Variants in ITGA6 observed in about 807,000 individuals in gnomAD.
ITGA6 encodes integrin subunit alpha 6.
Under a neutral mutation model 133.6 loss-of-function variants are expected in ITGA6, and 63 were observed. The observed-to-expected ratio is 0.47, with a 90% confidence interval of 0.38 to 0.58. The LOEUF (loss-of-function observed/expected upper bound fraction) is 0.58. Among genes scored for constraint, ITGA6 ranks in the 20% least tolerant of loss-of-function variants. The pLI, the probability that ITGA6 is intolerant of heterozygous loss-of-function variation, is 0.00. For synonymous variants in ITGA6, 434 were observed against 482.0 expected, an observed-to-expected ratio of 0.90 and a Z score of 1.30; for missense variants, 1,068 against 1,309.4, an observed-to-expected ratio of 0.82 and a Z score of 2.85.
Position 172,442,871 on chromosome 2 carries a change from G to C in ITGA6, c.182+14901G>C, listed in dbSNP as rs189231150. Among the ~76,000 whole-genome samples the C allele has an allele frequency of 5.5e-4, 83 of 151,982 alleles. No individual in the cohort carries two copies. In the East Asian group the frequency reaches 0.011, roughly 20 times the overall value. ...AAGGTTTGCTTCATGACTTGTGGGC[G>C]CTGATTTTTTTTTTTTAACCTCACT... On this transcript the variant is annotated intron_variant, in intron 1 of 25. Transcript: ENST00000684293.
intron 1 of ITGA6, among the ~76,000 whole-genome samples, chr2:172,457,911 G>A (rs1685278161): frequency 6.6e-6 from 1 of 152,194 alleles, no homozygotes; most frequent in Admixed American, 6.5e-5. Context: ...AAAGCAGATG[G>A]GATCTGGGCT....
intron 1 of ITGA6, among the ~76,000 whole-genome samples, chr2:172,448,648 T>C (rs1046392419): frequency 1.3e-5 from 2 of 152,196 alleles, no homozygotes; most frequent in African/African-American, 4.8e-5. Context: ...ATCTAGTCTT[T>C]TGAATGTGGA....
intron 1 of ITGA6, among the ~76,000 whole-genome samples, chr2:172,451,690 G>C (rs1279976938): frequency 6.6e-6 from 1 of 152,124 alleles, no homozygotes; most frequent in Admixed American, 6.6e-5. Flanking sequence ...CTAGAGATGA[G>C]GAAAAGGTCT....
chr2:172,468,965 T>TGG (rs1296012353), intron 3 of ITGA6, 160 bp from the exon 4 acceptor site: 4 of 730,942 alleles, frequency 5.5e-6, no homozygotes, highest in Admixed American at 2.1e-5. Flanking sequence ...AGTGCCACTT[T>TGG]GGGGAATATT....
intron 1 of ITGA6, among the ~76,000 whole-genome samples, chr2:172,455,802 T>C (rs555589054): frequency 7.2e-4 from 110 of 152,220 alleles, no homozygotes; most frequent in African/African-American, 2.5e-3. Context: ...ATAAGGAAAA[T>C]AGTTTTTTTT....
At chr2:172,446,698 A>C (rs543370571) in intron 1 of ITGA6, among the ~76,000 whole-genome samples, 1 of 152,354 alleles carries the variant, frequency 6.6e-6, no homozygotes, top group South Asian at 2.1e-4. Flanking sequence ...GAAGCACAGG[A>C]AATGATTAAA....
In ITGA6 at chr2:172,504,261, TA is replaced by T. The variant is rs763078142; in HGVS notation, c.*204del. The T allele has an allele frequency of 0.11, 103,331 of 980,336 alleles. No homozygotes were observed. Among genetic ancestry groups the T allele is most frequent in the East Asian group, 0.19 (4,711 of 25,306 alleles). The allele number at this position is 980,336 out of a possible 1,614,324, so 60.7% of individuals were successfully genotyped here. A position where few individuals can be genotyped will look rare whatever the true frequency, so the allele number is the denominator to read the frequency against. Reference sequence around the variant, plus strand: ...ATGAAAGCTACTCATAGCGGGGGCCTAAAAAAAAAAAGCTTCACAGTACCCA... The same window carrying T: ...ATGAAAGCTACTCATAGCGGGGGCCTAAAAAAAAAAGCTTCACAGTACCCA... On this transcript the variant is annotated 3_prime_UTR_variant, in exon 26 of 26. Transcript: ENST00000684293.
intron 1 of ITGA6, among the ~76,000 whole-genome samples, chr2:172,441,483 G>A (rs894261577): frequency 6.9e-6 from 1 of 144,130 alleles, no homozygotes; most frequent in East Asian, 2.1e-4. Flanking sequence ...CTGAGCCTAG[G>A]AACTCAAGGT....
intron 23 of ITGA6, among the ~76,000 whole-genome samples, chr2:172,493,734 G>GGT (rs1687015183): frequency 6.6e-6 from 1 of 152,136 alleles, no homozygotes; most frequent in African/African-American, 2.4e-5. Context: ...TCCAAGGAAA[G>GGT]GTATCTCCCC....
intron 11 of ITGA6, among the ~76,000 whole-genome samples, chr2:172,483,453 G>T (rs181366703): frequency 2.3e-3 from 357 of 152,330 alleles, no homozygotes; most frequent in Non-Finnish European, 4.3e-3. Context: ...TTCTGTAGCA[G>T]ATTTTTGTCC....
At position 172,501,819 on chromosome 2, in the gene ITGA6, T is replaced by G; in HGVS notation, c.3162T>G (p.Tyr1054Ter). ...RNKKDHYDAT[Y>*]HKAEIHAQPS... Reference sequence around the variant, plus strand: ...AGAAAGATCATTATGATGCCACATATCACAAGGCTGAGATCCATGCTCAGC... The same window carrying G: ...AGAAAGATCATTATGATGCCACATAGCACAAGGCTGAGATCCATGCTCAGC... The change falls in exon 25 of 26, where the codon TAT becomes TAG. Residue 1054 changes from tyrosine to a stop codon, truncating the protein, a stop_gained. Transcript: ENST00000684293. LOFTEE classifies it high-confidence loss of function. 2 of 1,612,428 alleles carry G rather than the reference T, an allele frequency of 1.2e-6. No homozygotes were observed. The highest frequency in any genetic ancestry group is 1.7e-6 in the Non-Finnish European group (2 of 1,179,070).
chr2:172,428,819 C>T (rs965959087), intron 1 of ITGA6, among the ~76,000 whole-genome samples: 21 of 152,356 alleles, frequency 1.4e-4, no homozygotes, highest in Admixed American at 1.2e-3. Context: ...GAGACCGGCA[C>T]TACTGGCCTC....
At chr2:172,479,155 G>A (rs887273986) in intron 9 of ITGA6, among the ~76,000 whole-genome samples, 9 of 152,238 alleles carry the variant, frequency 5.9e-5, no homozygotes, top group Middle Eastern at 3.4e-3. Flanking sequence ...ACAGTGTAAC[G>A]CCATCAGGTG....
At chr2:172,455,329 G>A (rs1003961078) in intron 1 of ITGA6, among the ~76,000 whole-genome samples, 5 of 152,268 alleles carry the variant, frequency 3.3e-5, no homozygotes, top group Non-Finnish European at 5.9e-5. Context: ...AATGCCTCCA[G>A]GTAAATATTG....
upstream of ITGA6, chr2:172,427,419 C>T: frequency 9.7e-7 from 1 of 1,025,644 alleles, no homozygotes; most frequent in Non-Finnish European, 1.2e-6. Flanking sequence ...GGGGCTCCCA[C>T]GTCGTGGCTT....
Position 172,471,090 on chromosome 2 carries a change from G to T in ITGA6, c.760G>T (p.Ala254Ser). ...TGATGAAAGTCTCGTTCCTGTTCCT[G>T]CTAACAGTTACTTAGGTAGGAGCAG... is the stretch of plus-strand genomic sequence containing the variant. ...EHDESLVPVPANSYLGFSLDS... is the reference protein window; with the variant it reads ...EHDESLVPVPSNSYLGFSLDS... Residue 254 changes from alanine to serine, a missense_variant, in exon 5 of 26, where the codon GCT becomes TCT. Transcript: ENST00000684293. 1 of 1,614,198 alleles carries T rather than the reference G, an allele frequency of 6.2e-7. No individual in the cohort carries two copies. The highest frequency in any genetic ancestry group is 2.2e-5 in the East Asian group (1 of 44,890).
In ITGA6 at chr2:172,498,208, T is replaced by C; in HGVS notation, c.3114+108T>C. On this transcript the variant is annotated intron_variant, in intron 24 of 25. Transcript: ENST00000684293. The stretch of plus-strand genomic sequence containing the variant: ...TTCTTTTTCATTGCTTCCTTTTTTC[T>C]AACATTATGAAACTCTTTTGACATA... The C allele has an allele frequency of 2.6e-6, 3 of 1,157,926 alleles. No homozygotes were observed. The South Asian group carries it at 3.9e-5, about 15-fold the overall frequency. The allele number at this position is 1,157,926 out of a possible 1,614,324, so 71.7% of individuals were successfully genotyped here.
At chr2:172,462,840 T>C (rs1685489239) in intron 1 of ITGA6, among the ~76,000 whole-genome samples, 2 of 152,228 alleles carry the variant, frequency 1.3e-5, no homozygotes, top group East Asian at 1.9e-4. Flanking sequence ...CTTCGTCCTT[T>C]AGCGCTGCTG....
At chr2:172,485,401 A>C in intron 13 of ITGA6, 137 bp downstream of exon 13, 1 of 798,904 alleles carries the variant, frequency 1.3e-6, no homozygotes. Context: ...TAATGTACGC[A>C]AAGTTAGAGA....
Sources: allele counts gnomAD v4.1 joint callset (sites outside exome capture counted in the v4.1 genomes callset), GRCh38; gene constraint gnomAD v4.1.1; transcripts MANE v1.5; gene names NCBI Gene and HGNC (gene_info 2026-07-23, HGNC 2026-07-21).